Variants in NUDT4 observed in about 807,000 individuals in gnomAD.
NUDT4 encodes the protein nudix hydrolase 4.
Under a neutral mutation model 23.1 loss-of-function variants are expected in NUDT4, and 5 were observed. The observed-to-expected ratio is 0.22, with a 90% CI of 0.11 to 0.46. The LOEUF (loss-of-function observed/expected upper bound fraction) is 0.46. Among genes scored for constraint, NUDT4 ranks in the 20% least tolerant of loss-of-function variants. NUDT4 has a pLI of 0.99. For synonymous variants in NUDT4, 50 were observed against 79.0 expected (o/e 0.63, Z 1.95); for missense variants, 96 against 211.6 (o/e 0.45, Z 3.39).
At chr12:93,380,847 T>C (rs1331605052) in intron 1 of NUDT4, 1 of 152,152 alleles carries the variant, frequency 6.6e-6, no homozygotes, top group African/African-American at 2.4e-5. Flanking sequence ...AGTTAATAGG[T>C]GAGAAATGTT....
chr12:93,396,801 T>C (rs1876966733), intron 3 of NUDT4, among the ~76,000 whole-genome samples: 1 of 152,194 alleles, frequency 6.6e-6, no homozygotes, highest in South Asian at 2.1e-4. Context: ...TAGTCCCAGC[T>C]ACTTGGGAGG....
intron 1 of NUDT4, among the ~76,000 whole-genome samples, chr12:93,389,959 T>TA (rs989316632): frequency 2.0e-5 from 3 of 152,168 alleles, no homozygotes; most frequent in African/African-American, 7.2e-5. Flanking sequence ...CATCTTATAC[T>TA]AATGGTTTTT....
chr12:93,398,135 T>C (rs1305786686), intron 3 of NUDT4, among the ~76,000 whole-genome samples: 2 of 151,064 alleles, frequency 1.3e-5, no homozygotes, highest in Non-Finnish European at 3.0e-5. Context: ...GAGGTCAGGG[T>C]TTAAGACCAT....
At chr12:93,378,535 C>T in intron 1 of NUDT4, 114 bp downstream of exon 1, 2 of 1,294,690 alleles carry the variant, frequency 1.5e-6, no homozygotes, top group African/African-American at 1.6e-5. Context: ...GATTAGCCCC[C>T]TTCCTCCCTC....
Position 93,394,547 on chromosome 12 carries a change from ATGT to A in NUDT4, c.100-57_100-55del. 5 of 898,180 alleles carry A rather than the reference ATGT, an allele frequency of 5.6e-6. No individual in the cohort carries two copies. The South Asian group carries it at 5.9e-5, about 11-fold the overall frequency. The allele number at this position is 898,180 out of a possible 1,614,324, so 55.6% of individuals were successfully genotyped here. A position where few individuals can be genotyped will look rare whatever the true frequency, so the allele number is the denominator to read the frequency against. On this transcript the variant is annotated intron_variant, in intron 1 of 4. Coordinates refer to ENST00000415493, the MANE Select transcript of NUDT4 (RefSeq NM_019094.6). ...GTTATAACCTTGCAGAGGTTTGAGA[ATGT>A]TGTTTATATACGAAGTGCTTCTCAG...
chr12:93,393,090 CTTTTTT>C (rs143810374), intron 1 of NUDT4, among the ~76,000 whole-genome samples: 1 of 114,876 alleles, frequency 8.7e-6, no homozygotes, highest in African/African-American at 3.4e-5. Flanking sequence ...AGATTTCAGT[CTTTTTT>C]TTTTTTTTTT....
Position 93,397,287 on chromosome 12 carries a change from T to C in NUDT4, c.256-1484T>C, listed in dbSNP as rs559794512. Among the ~76,000 whole-genome samples the C allele has an allele frequency of 2.4e-5, 3 of 124,566 alleles. No homozygotes were observed. The South Asian group carries it at 8.1e-4, about 33-fold the overall frequency. The allele number at this position is 124,566 out of a possible 152,430, so 81.7% of individuals were successfully genotyped here. On this transcript the variant is annotated intron_variant, in intron 3 of 4. Coordinates refer to ENST00000415493, the MANE Select transcript of NUDT4 (RefSeq NM_019094.6). The stretch of plus-strand genomic sequence containing the variant: ...TTAAAAATAATGAATGATGTGTTAA[T>C]TGACAGTTGCCTCTAATTTATTGTT...
chr12:93,381,372 G>A (rs1414651327), intron 1 of NUDT4, among the ~76,000 whole-genome samples: 3 of 152,240 alleles, frequency 2.0e-5, no homozygotes, highest in Non-Finnish European at 4.4e-5. Flanking sequence ...GCCCTGTAGA[G>A]TAGCTGGGTA....
rs1261652274 is a variant in NUDT4, at chr12:93,400,619, TG to T, written c.*1241del. 5 of 150,004 alleles carry T rather than the reference TG, an allele frequency of 3.3e-5. No homozygotes were observed. Among genetic ancestry groups the T allele is most frequent in the Non-Finnish European group, 7.4e-5 (5 of 67,220 alleles). The allele number at this position is 150,004 out of a possible 1,614,324, so 9.3% of individuals were successfully genotyped here. ...ATGAGGGATGGGGGAAAGTAAAAGA[TG>T]TTTTTTTTTTTTTGAGACTCGCTTT... On this transcript the variant is annotated 3_prime_UTR_variant, in exon 5 of 5. Coordinates refer to ENST00000415493, the MANE Select transcript of NUDT4 (RefSeq NM_019094.6).
At chr12:93,391,837 A>G (rs1269358173) in intron 1 of NUDT4, among the ~76,000 whole-genome samples, 1 of 152,178 alleles carries the variant, frequency 6.6e-6, no homozygotes, top group Non-Finnish European at 1.5e-5. Flanking sequence ...AAGGTAGTAT[A>G]CTAAGATAAT....
intron 3 of NUDT4, among the ~76,000 whole-genome samples, chr12:93,396,959 G>A (rs1388661765): frequency 6.6e-6 from 1 of 152,136 alleles, no homozygotes; most frequent in East Asian, 1.9e-4. Context: ...CCATCTCCTG[G>A]TTAAACTGAA....
At chr12:93,398,685 AT>A (rs1408253549) in intron 3 of NUDT4, 85 bp from the exon 4 acceptor site, 1 of 811,310 alleles carries the variant, frequency 1.2e-6, no homozygotes, top group Non-Finnish European at 2.1e-6. Context: ...AATCAGCAGT[AT>A]GCCAGACTAA....
intron 4 of NUDT4, 137 bp from the exon 5 acceptor site, chr12:93,399,040 T>C: frequency 1.4e-6 from 1 of 723,760 alleles, no homozygotes; most frequent in South Asian, 1.9e-5. Context: ...AATTCAAATG[T>C]AGAGATGCAT....
intron 1 of NUDT4, among the ~76,000 whole-genome samples, chr12:93,394,146 G>A (rs1876757177): frequency 6.6e-6 from 1 of 151,870 alleles, no homozygotes; most frequent in Non-Finnish European, 1.5e-5. Flanking sequence ...GGGACTATAG[G>A]CGCCCGCCAC....
At chr12:93,396,237 T>TA (rs1377714337) in intron 3 of NUDT4, among the ~76,000 whole-genome samples, 1 of 152,128 alleles carries the variant, frequency 6.6e-6, no homozygotes, top group Non-Finnish European at 1.5e-5. Context: ...ATGATACACC[T>TA]AGTGACTTAA....
chr12:93,384,175 G>A (rs183485301), intron 1 of NUDT4, among the ~76,000 whole-genome samples: 5 of 152,002 alleles, frequency 3.3e-5, no homozygotes, highest in African/African-American at 1.2e-4. Context: ...TAGATCAGGG[G>A]TGCCCAAGCT....
intron 3 of NUDT4, among the ~76,000 whole-genome samples, chr12:93,398,016 T>G (rs796716279): frequency 9.9e-5 from 15 of 152,218 alleles, no homozygotes; most frequent in African/African-American, 3.4e-4. Flanking sequence ...TTAATAAGAT[T>G]GCATTCAACT....
Position 93,406,830 on chromosome 12 carries a change from C to T in NUDT4, c.*7451C>T, listed in dbSNP as rs562633197. On this transcript the variant is annotated 3_prime_UTR_variant, in exon 5 of 5. Transcript: ENST00000415493. ...TGGATATCCAAAGGAAGTCCTAGAACCAGTTCCCGACAAATACCAAGAGAT... is the reference window on the plus strand; with the variant it reads ...TGGATATCCAAAGGAAGTCCTAGAATCAGTTCCCGACAAATACCAAGAGAT... 66 of 152,306 alleles carry T rather than the reference C, an allele frequency of 4.3e-4. No individual in the cohort carries two copies. Among genetic ancestry groups the T allele is most frequent in the African/African-American group, 1.6e-3 (65 of 41,570 alleles). 9.4% of individuals were successfully genotyped at this position (152,306 alleles called of 1,614,324 possible). A position where few individuals can be genotyped will look rare whatever the true frequency, so the allele number is the denominator to read the frequency against.
At chr12:93,381,098 T>C (rs1875629940) in intron 1 of NUDT4, 3 of 152,240 alleles carry the variant, frequency 2.0e-5, no homozygotes, top group Admixed American at 2.0e-4. Context: ...AGTTATTCTT[T>C]TAAGGTGGCT....
Sources: allele counts gnomAD v4.1 joint callset (sites outside exome capture counted in the v4.1 genomes callset), GRCh38; gene constraint gnomAD v4.1.1; transcripts MANE v1.5; gene names NCBI Gene and HGNC (gene_info 2026-07-23, HGNC 2026-07-21).